Variants in AKT3 observed in about 807,000 individuals in gnomAD.
The protein encoded by AKT3 is AKT serine/threonine kinase 3.
Under a neutral mutation model 65.3 loss-of-function variants are expected in AKT3, and 15 were observed. That is an observed-to-expected ratio of 0.23 (90% CI 0.15 to 0.35). The LOEUF is 0.35. Ranked by LOEUF, AKT3 falls within the 10% of genes least tolerant of loss-of-function variation. AKT3 has a pLI of 1.00. For synonymous variants in AKT3, 206 were observed against 183.8 expected, an observed-to-expected ratio of 1.12 and a Z score of -0.98; for missense variants, 243 against 576.5, an observed-to-expected ratio of 0.42 and a Z score of 5.92.
chr1:243,636,795 T>C (rs1680006565), intron 6 of AKT3, among the ~76,000 whole-genome samples: 1 of 152,098 alleles, frequency 6.6e-6, no homozygotes, highest in Non-Finnish European at 1.5e-5. Context: ...TAGGTGTGTA[T>C]GATTCCAAAG....
intron 2 of AKT3, among the ~76,000 whole-genome samples, chr1:243,706,093 A>C (rs1469881830): frequency 1.3e-5 from 2 of 152,228 alleles, no homozygotes; most frequent in South Asian, 4.1e-4. Context: ...TATACACTGC[A>C]GTAAATAACC....
chr1:243,690,906 A>G (rs887860051), intron 3 of AKT3, among the ~76,000 whole-genome samples: 12 of 152,322 alleles, frequency 7.9e-5, no homozygotes, highest in African/African-American at 2.6e-4. Context: ...TCAGATGTTC[A>G]CTTAAAAAGT....
chr1:243,647,705 C>G (rs1680945969), intron 4 of AKT3, among the ~76,000 whole-genome samples: 1 of 152,162 alleles, frequency 6.6e-6, no homozygotes, highest in Non-Finnish European at 1.5e-5. Flanking sequence ...CAAACAAGAG[C>G]AGCTTTACTT....
chr1:243,807,261 C>A (rs762997712), intron 2 of AKT3, among the ~76,000 whole-genome samples: 1 of 152,200 alleles, frequency 6.6e-6, no homozygotes, highest in Non-Finnish European at 1.5e-5. Flanking sequence ...AAGCACAAGG[C>A]GTCAGGGAAT....
At chr1:243,713,090 C>T (rs1686261053) in intron 2 of AKT3, among the ~76,000 whole-genome samples, 1 of 152,154 alleles carries the variant, frequency 6.6e-6, no homozygotes, top group Non-Finnish European at 1.5e-5. Context: ...TAGTGGTAGG[C>T]TATGAAACAA....
At chr1:243,742,070 A>AC (rs1392555783) in intron 2 of AKT3, among the ~76,000 whole-genome samples, 4 of 151,024 alleles carry the variant, frequency 2.6e-5, no homozygotes, top group Admixed American at 1.3e-4. Context: ...AAAAAAAAAA[A>AC]AAAAAAACAG....
intron 11 of AKT3, among the ~76,000 whole-genome samples, chr1:243,547,504 C>G (rs1445505177): frequency 2.0e-5 from 3 of 151,962 alleles, no homozygotes. Flanking sequence ...TCATAGAAAA[C>G]AAATACAGAT....
intron 2 of AKT3, among the ~76,000 whole-genome samples, chr1:243,763,877 C>T (rs1689648815): frequency 6.6e-6 from 1 of 152,048 alleles, no homozygotes; most frequent in African/African-American, 2.4e-5. Context: ...ACGAATAGTA[C>T]TTTTGCTTTA....
At chr1:243,806,096 AT>A (rs1435649611) in intron 2 of AKT3, among the ~76,000 whole-genome samples, 1 of 152,066 alleles carries the variant, frequency 6.6e-6, no homozygotes, top group Non-Finnish European at 1.5e-5. Flanking sequence ...AAAAATTCCT[AT>A]CAGTCTCAAA....
At chr1:243,723,817 A>G (rs1451534418) in intron 2 of AKT3, among the ~76,000 whole-genome samples, 2 of 152,122 alleles carry the variant, frequency 1.3e-5, no homozygotes, top group South Asian at 4.1e-4. Context: ...GCTACTTGGG[A>G]GTCTGAGGTG....
chr1:243,650,184 T>C (rs995231813), intron 4 of AKT3, among the ~76,000 whole-genome samples: 3 of 152,394 alleles, frequency 2.0e-5, no homozygotes, highest in Middle Eastern at 3.4e-3. Flanking sequence ...CATTTTTTCA[T>C]ACATTTGTTG....
chr1:243,602,193 CCATT>C (rs573115200), intron 8 of AKT3, among the ~76,000 whole-genome samples: 2 of 152,144 alleles, frequency 1.3e-5, no homozygotes, highest in African/African-American at 2.4e-5. Flanking sequence ...ACTGGTTTAA[CCATT>C]CATTTTTTAA....
chr1:243,514,496 G>C (rs568591107), intron 12 of AKT3, among the ~76,000 whole-genome samples: 1 of 152,162 alleles, frequency 6.6e-6, no homozygotes, highest in African/African-American at 2.4e-5. Flanking sequence ...TTTTCTTCAA[G>C]ACTTTGCGAC....
chr1:243,706,017 T>G (rs1685773529), intron 2 of AKT3, among the ~76,000 whole-genome samples: 1 of 152,176 alleles, frequency 6.6e-6, no homozygotes, highest in Non-Finnish European at 1.5e-5. Flanking sequence ...ACTTTAAAAC[T>G]TCCTTATTGT....
At chr1:243,703,612 A>T (rs751670441) in intron 2 of AKT3, among the ~76,000 whole-genome samples, 6 of 151,740 alleles carry the variant, frequency 4.0e-5, no homozygotes, top group Non-Finnish European at 7.4e-5. Context: ...TATAAAAATT[A>T]GCCGGGCGTG....
chr1:243,631,232 C>A (rs1326674187), intron 6 of AKT3, among the ~76,000 whole-genome samples: 1 of 152,200 alleles, frequency 6.6e-6, no homozygotes, highest in East Asian at 1.9e-4. Flanking sequence ...TATCTTTTTG[C>A]TGGCAGAAGG....
intron 2 of AKT3, among the ~76,000 whole-genome samples, chr1:243,828,146 T>C (rs1408620819): frequency 1.3e-5 from 2 of 151,952 alleles, no homozygotes; most frequent in African/African-American, 2.4e-5. Context: ...AATGGGTGAG[T>C]TAAATACTAA....
intron 2 of AKT3, among the ~76,000 whole-genome samples, chr1:243,749,391 C>G (rs1355410758): frequency 6.6e-6 from 1 of 152,020 alleles, no homozygotes; most frequent in Non-Finnish European, 1.5e-5. Flanking sequence ...CTTCAAACCC[C>G]TCTCCCCCAA....
chr1:243,807,349 T>C (rs1692800931), intron 2 of AKT3, among the ~76,000 whole-genome samples: 1 of 152,268 alleles, frequency 6.6e-6, no homozygotes, highest in South Asian at 2.1e-4. Flanking sequence ...ACTGCGCTTT[T>C]CCAACGGACT....
Sources: allele counts gnomAD v4.1 joint callset (sites outside exome capture counted in the v4.1 genomes callset), GRCh38; gene constraint gnomAD v4.1.1; transcripts MANE v1.5; gene names NCBI Gene and HGNC (gene_info 2026-07-23, HGNC 2026-07-21).